Variants in PDZD2 observed in about 807,000 individuals in gnomAD.
PDZD2 encodes the protein PDZ domain-containing protein 2.
A neutral mutation model predicts 220.7 loss-of-function variants in PDZD2; 90 were observed. That is an observed-to-expected ratio of 0.41 (90% CI 0.34 to 0.49). The LOEUF (loss-of-function observed/expected upper bound fraction) is 0.49. Ranked by LOEUF, PDZD2 falls within the 20% of genes least tolerant of loss-of-function variation. The probability of loss-of-function intolerance (pLI) is 0.28; values close to 1 mark genes in which losing one functional copy is unlikely to be tolerated. For missense variants in PDZD2, 3,174 were observed against 3,608.5 expected, an observed-to-expected ratio of 0.88 and a Z score of 3.08; for synonymous variants, 1,375 against 1,450.5, an observed-to-expected ratio of 0.95 and a Z score of 1.18.
In PDZD2 at chr5:32,014,901, G is replaced by A. The variant is rs1581279040; in HGVS notation, c.1407+4419G>A. Among the ~76,000 whole-genome samples, 5 of 147,432 alleles carry A rather than the reference G, an allele frequency of 3.4e-5. No individual in the cohort carries two copies. In the South Asian group the frequency reaches 1.1e-3, roughly 31 times the overall value. On this transcript the variant is annotated intron_variant, in intron 6 of 24. Transcript: ENST00000438447. ...TTTTTGTATTTTTAGTAGAGAACGG[G>A]GTTCCACCATGTTGGCCAGGATAGT...
At chr5:31,816,354 A>C (rs1755458079) in intron 2 of PDZD2, among the ~76,000 whole-genome samples, 1 of 151,684 alleles carries the variant, frequency 6.6e-6, no homozygotes, top group Non-Finnish European at 1.5e-5. Context: ...AAATTTGAGG[A>C]CCTTATCTCT....
intron 2 of PDZD2, among the ~76,000 whole-genome samples, chr5:31,960,622 G>A (rs1019506154): frequency 6.6e-6 from 1 of 151,964 alleles, no homozygotes; most frequent in Non-Finnish European, 1.5e-5. Flanking sequence ...CCTCCTCCCA[G>A]CTTAGCTAAC....
intron 1 of PDZD2, among the ~76,000 whole-genome samples, chr5:31,662,996 G>C (rs1442265614): frequency 6.6e-6 from 1 of 152,174 alleles, no homozygotes; most frequent in African/African-American, 2.4e-5. Flanking sequence ...TGGGGTTGCA[G>C]GGTGGGACAC....
chr5:31,949,652 G>C (rs1238097793), intron 2 of PDZD2, among the ~76,000 whole-genome samples: 6 of 148,620 alleles, frequency 4.0e-5, no homozygotes, highest in African/African-American at 9.8e-5. Context: ...TCGTAAGATA[G>C]CATTGCCATT....
intron 2 of PDZD2, among the ~76,000 whole-genome samples, chr5:31,807,029 G>A (rs1387527096): frequency 6.6e-6 from 1 of 151,370 alleles, no homozygotes; most frequent in Non-Finnish European, 1.5e-5. Context: ...CCACCTCCCG[G>A]GTTTAAGTGA....
At chr5:32,070,478 A>G (rs547779133) in intron 15 of PDZD2, among the ~76,000 whole-genome samples, 6 of 152,338 alleles carry the variant, frequency 3.9e-5, no homozygotes, top group African/African-American at 1.4e-4. Context: ...GATCATTTAT[A>G]AAGAGTTTAT....
intron 2 of PDZD2, among the ~76,000 whole-genome samples, chr5:31,964,252 T>C (rs1748513332): frequency 6.6e-6 from 1 of 152,196 alleles, no homozygotes. Flanking sequence ...TAATTGGTAT[T>C]TACTGTGTGG....
intron 2 of PDZD2, among the ~76,000 whole-genome samples, chr5:31,928,500 G>C (rs1744987814): frequency 6.6e-6 from 1 of 151,366 alleles, no homozygotes; most frequent in African/African-American, 2.4e-5. Flanking sequence ...TTTTGAGTCA[G>C]AGTCTTGCTC....
intron 2 of PDZD2, among the ~76,000 whole-genome samples, chr5:31,822,236 A>T (rs1755918665): frequency 2.1e-5 from 3 of 143,528 alleles, no homozygotes; most frequent in African/African-American, 7.7e-5. Flanking sequence ...ATTATGATTT[A>T]TATGTGTACA....
rs1249324846 is a variant in PDZD2, at chr5:32,089,014, A to G, written c.5566A>G (p.Thr1856Ala). The part of the protein sequence containing the change: ...TVPHSPPQPK[T>A]NLENKDLSKK... ...GCCTCATAGCCCTCCTCAGCCGAAA[A>G]CAAACCTGGAAAATAAGGACCTGTC... Residue 1856 changes from threonine (T) to alanine (A), a missense_variant, in exon 20 of 25, where the codon ACA becomes GCA. Transcript: ENST00000438447. The G allele has an allele frequency of 4.3e-6, 7 of 1,613,956 alleles. No individual in the cohort carries two copies. Among genetic ancestry groups the G allele is most frequent in the Non-Finnish European group, 5.1e-6 (6 of 1,180,002 alleles).
chr5:31,983,016 G>C, intron 2 of PDZD2, 139 bp from the exon 3 acceptor site: 1 of 745,464 alleles, frequency 1.3e-6, no homozygotes, highest in Non-Finnish European at 2.2e-6. Context: ...ATTGGGTGTT[G>C]AATCTCTTTA....
intron 14 of PDZD2, among the ~76,000 whole-genome samples, chr5:32,069,263 C>CAAAA (rs11361686): frequency 3.0e-5 from 3 of 99,358 alleles, no homozygotes; most frequent in Non-Finnish European, 4.3e-5. Flanking sequence ...GACTCTGTCT[C>CAAAA]AAAAAAAAAA....
chr5:32,049,611 A>G (rs1230698187), intron 8 of PDZD2, among the ~76,000 whole-genome samples: 1 of 152,240 alleles, frequency 6.6e-6, no homozygotes. Flanking sequence ...GATATGCCAG[A>G]ACCTCTGTAA....
At chr5:31,884,259 A>ACATACATACATACATACATACATC (rs923352259) in intron 2 of PDZD2, among the ~76,000 whole-genome samples, 8 of 151,562 alleles carry the variant, frequency 5.3e-5, no homozygotes, top group African/African-American at 1.9e-4. Flanking sequence ...ATACATACAT[A>ACATACATACATACATACATACATC]CATCCTGGGT....
intron 2 of PDZD2, among the ~76,000 whole-genome samples, chr5:31,852,623 G>T (rs1758126380): frequency 6.6e-6 from 1 of 151,910 alleles, no homozygotes; most frequent in African/African-American, 2.4e-5. Flanking sequence ...TTGAGTTGGA[G>T]TCTCACTCTG....
In PDZD2 at chr5:32,074,436, A is replaced by G; in HGVS notation, c.3330A>G (p.Lys1110=). The change falls in exon 18 of 25, where the codon AAA becomes AAG. Residue 1110 remains lysine, a synonymous_variant. Transcript: ENST00000438447. ...NTGSPSSPQQ[K]SEGLGSRHRP... ...GGAGCCCCAGTTCCCCCCAGCAGAA[A>G]AGTGAAGGCCTGGGCTCCAGGCACA... 1 of 1,614,022 alleles carries G rather than the reference A, an allele frequency of 6.2e-7. No homozygotes were observed. Among genetic ancestry groups the G allele is most frequent in the Non-Finnish European group, 8.5e-7 (1 of 1,179,872 alleles).
chr5:31,762,577 C>T (rs534390515), intron 1 of PDZD2, among the ~76,000 whole-genome samples: 2 of 152,254 alleles, frequency 1.3e-5, no homozygotes, highest in African/African-American at 4.8e-5. Context: ...CATGAGTCAC[C>T]ACTCCTGGCT....
chr5:31,796,936 T>G (rs1027788362), intron 1 of PDZD2, among the ~76,000 whole-genome samples: 2 of 87,398 alleles, frequency 2.3e-5, no homozygotes, highest in South Asian at 3.0e-4. Flanking sequence ...GTTTTTTTGT[T>G]TTTTTTTTTG....
At chr5:31,881,328 G>GTA (rs1739885108) in intron 2 of PDZD2, among the ~76,000 whole-genome samples, 1 of 18,736 alleles carries the variant, frequency 5.3e-5, no homozygotes, top group South Asian at 2.9e-3. Flanking sequence ...CCATATATAT[G>GTA]TGTGTGTGTG....
Sources: gnomAD v4.1 joint callset for allele counts (sites outside exome capture counted in the v4.1 genomes callset) on GRCh38, gnomAD v4.1.1 for gene constraint, MANE v1.5 for transcripts, NCBI Gene and HGNC (gene_info 2026-07-23, HGNC 2026-07-21) for gene names.